The following CREBBP variants were observed in gnomAD, a reference collection of about 807,000 sequenced individuals.
CREBBP encodes the protein CREB-binding protein.
Under a neutral mutation model 265.0 loss-of-function variants are expected in CREBBP, and 19 were observed. The ratio of observed to expected loss-of-function variants is 0.07; its 90% CI spans 0.05 to 0.11. The LOEUF is 0.11. Ranked by LOEUF, CREBBP falls within the 10% of genes least tolerant of loss-of-function variation. The pLI, the probability that CREBBP is intolerant of heterozygous loss-of-function variation, is 1.00. For missense variants in CREBBP, 2,525 were observed against 3,219.0 expected, an observed-to-expected ratio of 0.78 and a Z score of 5.22; for synonymous variants, 1,457 against 1,223.7, an observed-to-expected ratio of 1.19 and a Z score of -3.98.
In CREBBP at chr16:3,725,524, T is replaced by C; in HGVS notation, c.*2194A>G. 4.3e-6 allele frequency: 1 copy of C among 233,240 alleles called. No individual in the cohort carries two copies. Among genetic ancestry groups the C allele is most frequent in the Non-Finnish European group, 8.5e-6 (1 of 118,026 alleles). 14.4% of individuals were successfully genotyped at this position (233,240 alleles called of 1,614,324 possible). On this transcript the variant is annotated 3_prime_UTR_variant, in exon 31 of 31. Transcript: ENST00000262367. ...GAAAAGATGAAGAGGACACTGGAGG[T>C]TAAGAACCCAGCAGGCCGAGCAGTG... is the stretch of plus-strand genomic sequence containing the variant.
intron 19 of CREBBP, among the ~76,000 whole-genome samples, chr16:3,753,193 C>A (rs543275040): frequency 8.5e-5 from 13 of 152,336 alleles, no homozygotes; most frequent in Non-Finnish European, 1.6e-4. Context: ...CACTCACTTG[C>A]GCACTCACAC....
chr16:3,770,468 T>G, intron 14 of CREBBP, 102 bp downstream of exon 14: 5 of 1,316,966 alleles, frequency 3.8e-6, no homozygotes, highest in Non-Finnish European at 5.4e-6. Flanking sequence ...GGTGCTGAAA[T>G]TATAGGTGTG....
chr16:3,740,393 A>T lies in CREBBP; in HGVS notation c.4133+6T>A, dbSNP rs2151339785. ...GCAGAGCACTGTAGAGAGCAGGCAC[A>T]CTGACCGTGACTTCATCCCGGGCTT... On this transcript the variant is annotated splice_donor_region_variant and intron_variant, in intron 24 of 30. Coordinates refer to ENST00000262367, the MANE Select transcript of CREBBP (RefSeq NM_004380.3). The T allele has an allele frequency of 6.2e-7, 1 of 1,614,182 alleles. No individual in the cohort carries two copies. The highest frequency in any genetic ancestry group is 8.5e-7 in the Non-Finnish European group (1 of 1,180,044).
intron 16 of CREBBP, among the ~76,000 whole-genome samples, chr16:3,759,606 T>C (rs1006824646): frequency 4.5e-5 from 6 of 133,126 alleles, no homozygotes; most frequent in Non-Finnish European, 8.9e-5. Context: ...AAAGACCATT[T>C]CATTGGAAGG....
intron 1 of CREBBP, among the ~76,000 whole-genome samples, chr16:3,860,801 T>C (rs1394013249): frequency 6.6e-6 from 1 of 151,686 alleles, no homozygotes; most frequent in African/African-American, 2.4e-5. Flanking sequence ...TTATTATTGT[T>C]AAATGACCTG....
intron 16 of CREBBP, among the ~76,000 whole-genome samples, chr16:3,762,002 G>A (rs2052730814): frequency 6.6e-6 from 1 of 152,152 alleles, no homozygotes; most frequent in Non-Finnish European, 1.5e-5. Context: ...TTAATGTTTG[G>A]CAGAAGAAAA....
In CREBBP at chr16:3,729,704, G is replaced by A. The variant is rs761362403; in HGVS notation, c.5343C>T (p.His1781=). ...AGTTGGCGTTGCGGCACTGGCACGC[G>A]TGCACCAGCGACTGGATGCAGCGCT... The part of the protein sequence containing the change: ...SIQRCIQSLV[H]ACQCRNANCS... Residue 1781 remains histidine, a synonymous_variant, in exon 31 of 31, where the codon CAC becomes CAT. Coordinates refer to ENST00000262367, the MANE Select transcript of CREBBP (RefSeq NM_004380.3). 9 of 1,611,750 alleles carry A rather than the reference G, an allele frequency of 5.6e-6. No homozygotes were observed. The highest frequency in any genetic ancestry group is 2.2e-5 in the East Asian group (1 of 44,886).
At chr16:3,774,917 G>A (rs2141220985) in intron 11 of CREBBP, among the ~76,000 whole-genome samples, 1 of 152,280 alleles carries the variant, frequency 6.6e-6, no homozygotes, top group East Asian at 1.9e-4. Flanking sequence ...ATGGTGAGGG[G>A]TACCAGGGAA....
intron 1 of CREBBP, among the ~76,000 whole-genome samples, chr16:3,867,585 A>G (rs770080686): frequency 2.9e-4 from 44 of 152,238 alleles, no homozygotes; most frequent in Admixed American, 6.5e-4. Flanking sequence ...ATGCAGCACC[A>G]AAACATTTTA....
rs62037853 is a variant in CREBBP, at chr16:3,731,354, G to T, written c.5010C>A (p.Leu1670=). Residue 1670 remains leucine, a synonymous_variant, in exon 30 of 31, where the codon CTC becomes CTA. Coordinates refer to ENST00000262367, the MANE Select transcript of CREBBP (RefSeq NM_004380.3). The surrounding 1 kb of genome is among the most constrained non-coding windows in gnomAD (Gnocchi z 7.7). ...LMDGRDAFLT[L]ARDKHWEFSS... ...AGAACTCCCAGTGCTTGTCTCTGGC[G>T]AGGGTGAGGAAGGCGTCGCGCCCAT... 6.2e-7 allele frequency: 1 copy of T among 1,613,832 alleles called. No homozygotes were observed. Among genetic ancestry groups the T allele is most frequent in the Non-Finnish European group, 8.5e-7 (1 of 1,179,912 alleles).
chr16:3,771,742 G>T (rs983790771), intron 13 of CREBBP, among the ~76,000 whole-genome samples: 12 of 151,720 alleles, frequency 7.9e-5, no homozygotes, highest in African/African-American at 2.9e-4. Context: ...ATCCCTGGGG[G>T]CACAGAGTGG....
intron 21 of CREBBP, among the ~76,000 whole-genome samples, chr16:3,746,506 T>C (rs1487732537): frequency 3.9e-5 from 6 of 152,188 alleles, no homozygotes; most frequent in African/African-American, 1.4e-4. Flanking sequence ...ACAAGCTCTG[T>C]CTTTGACAAC....
In CREBBP at chr16:3,873,434, G is replaced by A. The variant is rs537498256; in HGVS notation, c.85+6398C>T. Reference sequence around the variant, plus strand: ...GCTGAGGTGCTACACTATCACACGCGTGCCTGCACACTGGTTTCTGTGGAT... The same window carrying A: ...GCTGAGGTGCTACACTATCACACGCATGCCTGCACACTGGTTTCTGTGGAT... On this transcript the variant is annotated intron_variant, in intron 1 of 30. Transcript: ENST00000262367. Among the ~76,000 whole-genome samples, 5 of 152,236 alleles carry A rather than the reference G, an allele frequency of 3.3e-5. No homozygotes were observed. In the South Asian group the frequency reaches 8.3e-4, roughly 25 times the overall value.
chr16:3,757,933 T>G lies in CREBBP; in HGVS notation c.3485A>C (p.Asn1162Thr). The change falls in exon 18 of 31, where the codon AAC becomes ACC. Residue 1162 changes from asparagine (N) to threonine (T), a missense_variant. Coordinates refer to ENST00000262367, the MANE Select transcript of CREBBP (RefSeq NM_004380.3). The part of the protein sequence containing the change: ...QYVDDVWLMF[N>T]NAWLYNRKTS... ...CTTGCGATTATAGAGCCAGGCATTG[T>G]TGAACATGAGCCAGACGTCGTCCAC... 6.2e-7 allele frequency: 1 copy of G among 1,614,116 alleles called. No homozygotes were observed. Among genetic ancestry groups the G allele is most frequent in the Non-Finnish European group, 8.5e-7 (1 of 1,180,034 alleles).
At chr16:3,733,786 C>T (rs1236700484) in intron 28 of CREBBP, among the ~76,000 whole-genome samples, 1 of 152,068 alleles carries the variant, frequency 6.6e-6, no homozygotes, top group African/African-American at 2.4e-5. Context: ...GGACTACAGG[C>T]GTGCGCCACC....
intron 2 of CREBBP, among the ~76,000 whole-genome samples, chr16:3,845,456 A>T (rs367855055): frequency 1.3e-4 from 20 of 152,344 alleles, no homozygotes; most frequent in African/African-American, 4.6e-4. Context: ...GTATACCAAA[A>T]ACAGCATATC....
chr16:3,835,279 G>A (rs1217666655), intron 2 of CREBBP, among the ~76,000 whole-genome samples: 3 of 151,886 alleles, frequency 2.0e-5, no homozygotes, highest in Admixed American at 2.0e-4. Context: ...TTTCTATGAA[G>A]GGCCAGTTAA....
intron 16 of CREBBP, among the ~76,000 whole-genome samples, chr16:3,763,934 T>A (rs1409192794): frequency 2.0e-5 from 3 of 148,520 alleles, no homozygotes; most frequent in African/African-American, 7.5e-5. Flanking sequence ...AGCCTCCACC[T>A]CCTGGGTTCA....
At chr16:3,742,550 T>A (rs149789804) in intron 23 of CREBBP, 1 of 152,288 alleles carries the variant, frequency 6.6e-6, no homozygotes, top group Admixed American at 6.5e-5. Flanking sequence ...GGGCTGTATC[T>A]TTTTAAGGAA....
Sources: allele counts gnomAD v4.1 joint callset (sites outside exome capture counted in the v4.1 genomes callset), GRCh38; gene constraint gnomAD v4.1.1; non-coding constraint Gnocchi (gnomAD v3.1); transcripts MANE v1.5; gene names NCBI Gene and HGNC (gene_info 2026-07-23, HGNC 2026-07-21).